HEMK2: variants seen among roughly 807,000 people sequenced by gnomAD.
HEMK2 encodes HemK methyltransferase 2, ETF1 glutamine and histone H4 lysine, also known as methyltransferase HEMK2.
the HEMK2 span, among the ~76,000 whole-genome samples, chr21:28,785,416 C>T: frequency 6.6e-6 from 1 of 152,206 alleles, no homozygotes; most frequent in Admixed American, 6.5e-5. Flanking sequence ...TTCCTTAACA[C>T]AGCATTTTTA....
the HEMK2 span, among the ~76,000 whole-genome samples, chr21:28,632,223 T>C: frequency 1.3e-5 from 2 of 152,244 alleles, no homozygotes; most frequent in African/African-American, 2.4e-5. Context: ...TATTACCCTA[T>C]ATCAGAGTTT....
chr21:28,880,041 T>C, the HEMK2 span: 2 of 952,798 alleles, frequency 2.1e-6, no homozygotes, highest in Admixed American at 2.5e-5. Flanking sequence ...ATCTCCCATG[T>C]TTTTGGGAAA....
At chr21:28,591,069 G>A in the HEMK2 span, among the ~76,000 whole-genome samples, 49 of 152,144 alleles carry the variant, frequency 3.2e-4, no homozygotes, top group Admixed American at 3.2e-3. Flanking sequence ...TGACTAAATG[G>A]CAAGAATGTG....
chr21:28,728,047 T>C, the HEMK2 span, among the ~76,000 whole-genome samples: 1 of 152,242 alleles, frequency 6.6e-6, no homozygotes, highest in South Asian at 2.1e-4. Flanking sequence ...GGTGCAATTT[T>C]AGCCCAGTGA....
the HEMK2 span, among the ~76,000 whole-genome samples, chr21:28,866,305 CA>C: frequency 0.17 from 25,401 of 151,606 alleles, 2,223 homozygotes; most frequent in South Asian, 0.23. Flanking sequence ...CACAATACTG[CA>C]CTCCAGCCTG....
the HEMK2 span, among the ~76,000 whole-genome samples, chr21:28,732,173 T>C: frequency 6.6e-6 from 1 of 152,254 alleles, no homozygotes; most frequent in Non-Finnish European, 1.5e-5. Context: ...TTTCTAGCCC[T>C]ACATGCTGCA....
chr21:28,781,009 T>C, the HEMK2 span, among the ~76,000 whole-genome samples: 2 of 152,192 alleles, frequency 1.3e-5, no homozygotes, highest in African/African-American at 4.8e-5. Context: ...TCTTTATAGA[T>C]ATTAAGAGTT....
At chr21:28,694,869 G>C in the HEMK2 span, among the ~76,000 whole-genome samples, 3 of 152,020 alleles carry the variant, frequency 2.0e-5, no homozygotes, top group African/African-American at 4.8e-5. Flanking sequence ...GTGGTGGCGG[G>C]CGCCTATAGT....
the HEMK2 span, among the ~76,000 whole-genome samples, chr21:28,862,719 TTGTC>T: frequency 1.3e-5 from 2 of 152,182 alleles, no homozygotes; most frequent in Non-Finnish European, 2.9e-5. Context: ...AGGACTGTAA[TTGTC>T]ATGAGTATTT....
At chr21:28,723,895 T>C in the HEMK2 span, among the ~76,000 whole-genome samples, 1 of 152,232 alleles carries the variant, frequency 6.6e-6, no homozygotes. Context: ...GACTCAAGCC[T>C]GTTCCTTATT....
the HEMK2 span, among the ~76,000 whole-genome samples, chr21:28,589,942 A>C: frequency 6.6e-6 from 1 of 152,180 alleles, no homozygotes; most frequent in East Asian, 1.9e-4. Context: ...CCTCAAAGGA[A>C]GAAGACTCTC....
At chr21:28,689,887 T>C in the HEMK2 span, among the ~76,000 whole-genome samples, 1 of 152,046 alleles carries the variant, frequency 6.6e-6, no homozygotes, top group African/African-American at 2.4e-5. Flanking sequence ...AAGGGGGCAA[T>C]GTAGGGGTGG....
the HEMK2 span, among the ~76,000 whole-genome samples, chr21:28,836,704 A>C: frequency 6.6e-6 from 1 of 152,224 alleles, no homozygotes; most frequent in Non-Finnish European, 1.5e-5. Flanking sequence ...TCCACTTAAA[A>C]GATACTGAAC....
the HEMK2 span, among the ~76,000 whole-genome samples, chr21:28,825,285 A>T: frequency 2.6e-5 from 4 of 152,170 alleles, no homozygotes; most frequent in African/African-American, 9.7e-5. Flanking sequence ...GTAGGTCTGG[A>T]GAGGGGCCTA....
chr21:28,605,432 A>G, the HEMK2 span, among the ~76,000 whole-genome samples: 1 of 152,228 alleles, frequency 6.6e-6, no homozygotes, highest in Non-Finnish European at 1.5e-5. Flanking sequence ...AATACTTTCA[A>G]CTTGGCTATT....
the HEMK2 span, among the ~76,000 whole-genome samples, chr21:28,826,706 C>A: frequency 6.6e-6 from 1 of 152,204 alleles, no homozygotes; most frequent in Non-Finnish European, 1.5e-5. Flanking sequence ...AAAGCAAACA[C>A]TGAACTAATC....
the HEMK2 span, among the ~76,000 whole-genome samples, chr21:28,647,080 A>G: frequency 6.6e-6 from 1 of 152,300 alleles, no homozygotes; most frequent in East Asian, 1.9e-4. Context: ...TGGCTCTGAA[A>G]TATGGTACAG....
chr21:28,801,765 G>T, the HEMK2 span, among the ~76,000 whole-genome samples: 1 of 152,064 alleles, frequency 6.6e-6, no homozygotes, highest in African/African-American at 2.4e-5. Context: ...AATTTCAAAT[G>T]ATTTAAACAA....
chr21:28,845,677 G>GT, the HEMK2 span, among the ~76,000 whole-genome samples: 1 of 149,564 alleles, frequency 6.7e-6, no homozygotes, highest in Non-Finnish European at 1.5e-5. Flanking sequence ...TCCAATAATT[G>GT]TAAGTAGAAA....
Sources: gnomAD v4.1 joint callset for allele counts (sites outside exome capture counted in the v4.1 genomes callset) on GRCh38, gnomAD v4.1.1 for gene constraint, MANE v1.5 for transcripts, NCBI Gene and HGNC (gene_info 2026-07-23, HGNC 2026-07-21) for gene names.